Variants in ACTR3 observed in about 807,000 individuals in gnomAD.
ACTR3 encodes the protein actin related protein 3.
In ACTR3, 12 loss-of-function variants were observed where a neutral mutation model predicts 56.8. The observed-to-expected ratio is 0.21, with a 90% CI of 0.14 to 0.34. ACTR3 has a LOEUF of 0.34. Among genes scored for constraint, ACTR3 ranks in the 10% least tolerant of loss-of-function variants. The pLI is 1.00. For synonymous variants in ACTR3, 162 were observed against 167.4 expected (o/e 0.97, Z 0.25); for missense variants, 282 against 512.5 (o/e 0.55, Z 4.34).
rs945884184 is a variant in ACTR3 at position 113,892,692 on chromosome 2, A to AT, written c.44+2377dup. ...AAATTGTGCACCTGTAATTTGTCTA[A>AT]TTTTTTTTATGCTTTAGAGAATGCA... On this transcript the variant is annotated intron_variant, in intron 1 of 11. Transcript: ENST00000263238. Among the ~76,000 whole-genome samples the AT allele has an allele frequency of 9.2e-5, 14 of 152,032 alleles. 1 individual carries two copies. The highest frequency in any genetic ancestry group is 2.2e-4 in the African/African-American group (9 of 41,382).
At chr2:113,944,203 C>T (rs1679975004) in intron 8 of ACTR3, among the ~76,000 whole-genome samples, 1 of 151,982 alleles carries the variant, frequency 6.6e-6, no homozygotes, top group Admixed American at 6.6e-5. Context: ...TTACTTATCT[C>T]AGTGAGAGGT....
rs778720198 is a variant in ACTR3 at position 113,913,176 on chromosome 2, A to G, written c.49A>G (p.Thr17Ala). 6.0e-5 allele frequency: 95 copies of G among 1,579,056 alleles called. No individual in the cohort carries two copies. Among genetic ancestry groups the G allele is most frequent in the Non-Finnish European group, 7.8e-5 (91 of 1,160,304 alleles). The change falls in exon 2 of 12, where the codon ACA becomes GCA. Residue 17 changes from threonine to alanine, a missense_variant. Physicochemically the swap from Thr to Ala is moderately conservative, Grantham distance 58. Transcript: ENST00000263238. ...ATAAATTATTTTGTTTTGCAGGTAT[A>G]CAAAACTAGGATATGCTGGAAATAC... ...ACVVDCGTGY[T>A]KLGYAGNTEP...
At position 113,951,695 on chromosome 2, in the gene ACTR3, ATTATAT is replaced by A. The variant is rs1680123666; in HGVS notation, c.952-20_952-15del. ...TCTTTAAACTTTTCTCTTTTTAAAT[ATTATAT>A]TTATTTTCTCTCCACTAGAATATTG... On this transcript the variant is annotated intron_variant, in intron 9 of 11. Transcript: ENST00000263238. 6.6e-7 allele frequency: 1 copy of A among 1,525,936 alleles called. No homozygotes were observed. Among genetic ancestry groups the A allele is most frequent in the Non-Finnish European group, 8.9e-7 (1 of 1,127,976 alleles). 94.5% of individuals were successfully genotyped at this position (1,525,936 alleles called of 1,614,324 possible). A position where few individuals can be genotyped will look rare whatever the true frequency, so the allele number is the denominator to read the frequency against.
intron 3 of ACTR3, among the ~76,000 whole-genome samples, chr2:113,919,518 T>C (rs1435864530): frequency 6.6e-6 from 1 of 152,216 alleles, no homozygotes; most frequent in Non-Finnish European, 1.5e-5. Flanking sequence ...TACTTTTTTT[T>C]GTTGTAAATG....
At chr2:113,953,418 A>G (rs879852623) in intron 10 of ACTR3, 1 of 152,198 alleles carries the variant, frequency 6.6e-6, no homozygotes, top group Non-Finnish European at 1.5e-5. Flanking sequence ...TCCTTTGAAC[A>G]TCATGTTGGT....
chr2:113,904,411 A>G (rs369795538), intron 1 of ACTR3: 1 of 152,176 alleles, frequency 6.6e-6, no homozygotes, highest in East Asian at 1.9e-4. Context: ...GTCTTCTCCC[A>G]GGAGAATGGG....
In ACTR3 at chr2:113,961,183, CTTTTA is replaced by C. The variant is rs1188882733; in HGVS notation, c.*3731_*3735del. On this transcript the variant is annotated 3_prime_UTR_variant, in exon 12 of 12. Coordinates refer to ENST00000263238, the MANE Select transcript of ACTR3 (RefSeq NM_005721.5). Reference sequence around the variant, plus strand: ...TAATTTGTTTTCTATGATATGAGAACTTTTATTATAATTTGCCTCAGTCTTGATAG... The same window carrying C: ...TAATTTGTTTTCTATGATATGAGAACTTATAATTTGCCTCAGTCTTGATAG... 6.6e-6 allele frequency: 1 copy of C among 151,946 alleles called. No individual in the cohort carries two copies. The highest frequency in any genetic ancestry group is 2.4e-5 in the African/African-American group (1 of 41,408). The allele number at this position is 151,946 out of a possible 1,614,324, so 9.4% of individuals were successfully genotyped here. A position where few individuals can be genotyped will look rare whatever the true frequency, so the allele number is the denominator to read the frequency against.
intron 1 of ACTR3, among the ~76,000 whole-genome samples, chr2:113,907,408 T>C (rs921595275): frequency 6.6e-6 from 1 of 152,132 alleles, no homozygotes; most frequent in African/African-American, 2.4e-5. Flanking sequence ...TGAGCTGCTA[T>C]GTCCAGCTGA....
chr2:113,949,984 C>T (rs549470667), intron 8 of ACTR3, among the ~76,000 whole-genome samples: 25 of 152,060 alleles, frequency 1.6e-4, no homozygotes, highest in Non-Finnish European at 2.9e-4. Flanking sequence ...GAATATATAG[C>T]TGATGTTTGT....
intron 5 of ACTR3, 122 bp downstream of exon 5, chr2:113,931,518 A>T: frequency 2.0e-6 from 1 of 494,956 alleles, no homozygotes; most frequent in Non-Finnish European, 3.5e-6. Context: ...AAAGCATGTT[A>T]TACTTCTCTC....
intron 8 of ACTR3, among the ~76,000 whole-genome samples, chr2:113,949,858 C>G (rs969793430): frequency 3.9e-5 from 6 of 152,300 alleles, no homozygotes; most frequent in Admixed American, 1.3e-4. Context: ...TCACCATGCC[C>G]AGCTTCAAGT....
Position 113,901,321 on chromosome 2 carries a change from G to A in ACTR3, c.44+10998G>A, listed in dbSNP as rs560942108. Among the ~76,000 whole-genome samples the A allele has an allele frequency of 2.3e-4, 35 of 152,302 alleles. No individual in the cohort carries two copies. The South Asian group carries it at 6.6e-3, about 29-fold the overall frequency. On this transcript the variant is annotated intron_variant, in intron 1 of 11. Transcript: ENST00000263238. ...TGTGGTGGGCCAAGATCGCGCTGTC[G>A]CACTTCAGCCTGGGCAATAAGAGCG...
At chr2:113,914,866 T>C (rs1226151821) in intron 2 of ACTR3, among the ~76,000 whole-genome samples, 1 of 152,204 alleles carries the variant, frequency 6.6e-6, no homozygotes, top group Admixed American at 6.5e-5. Flanking sequence ...AAACAGCTCA[T>C]TCGTGTGTCT....
intron 1 of ACTR3, among the ~76,000 whole-genome samples, chr2:113,903,596 C>T (rs968794853): frequency 6.7e-6 from 1 of 149,634 alleles, no homozygotes; most frequent in African/African-American, 2.5e-5. Flanking sequence ...AGTGCAGTAG[C>T]GCGATCTCGG....
chr2:113,903,822 T>G (rs1328258287), intron 1 of ACTR3, among the ~76,000 whole-genome samples: 1 of 151,516 alleles, frequency 6.6e-6, no homozygotes, highest in Non-Finnish European at 1.5e-5. Context: ...AAAATATTTT[T>G]ACTACACTCT....
rs1327241474 is a variant in ACTR3 at position 113,890,165 on chromosome 2, G to A, written c.-115G>A. 1.4e-6 allele frequency: 2 copies of A among 1,388,184 alleles called. No individual in the cohort carries two copies. Among genetic ancestry groups the A allele is most frequent in the Admixed American group, 4.0e-5 (2 of 50,156 alleles). 86.0% of individuals were successfully genotyped at this position (1,388,184 alleles called of 1,614,324 possible). On this transcript the variant is annotated 5_prime_UTR_variant, in exon 1 of 12. Transcript: ENST00000263238. ...TCGGCTTCCCGGCTACCCCCCGGAC[G>A]GTGAAGGCGGCCCAGCTGTGGATGG...
intron 1 of ACTR3, among the ~76,000 whole-genome samples, chr2:113,893,372 C>T (rs1375412413): frequency 1.3e-5 from 2 of 152,134 alleles, no homozygotes; most frequent in Admixed American, 6.5e-5. Flanking sequence ...CGGCTCACTG[C>T]AACCTCCACC....
At chr2:113,893,741 T>C (rs964589854) in intron 1 of ACTR3, among the ~76,000 whole-genome samples, 10 of 152,164 alleles carry the variant, frequency 6.6e-5, no homozygotes, top group Admixed American at 3.9e-4. Flanking sequence ...TCTTTTTTTT[T>C]CCCCTGGTAA....
chr2:113,926,426 A>G (rs1377979077), intron 3 of ACTR3, among the ~76,000 whole-genome samples: 3 of 152,194 alleles, frequency 2.0e-5, no homozygotes, highest in Non-Finnish European at 4.4e-5. Context: ...GTGCTGTCTC[A>G]GTTCATTTTC....
Sources: allele counts gnomAD v4.1 joint callset (sites outside exome capture counted in the v4.1 genomes callset), GRCh38; gene constraint gnomAD v4.1.1; transcripts MANE v1.5; gene names NCBI Gene and HGNC (gene_info 2026-07-23, HGNC 2026-07-21).